Variants in DLG2 observed in about 807,000 individuals in gnomAD.
The protein encoded by DLG2 is discs large MAGUK scaffold protein 2.
A neutral mutation model predicts 132.5 loss-of-function variants in DLG2; 45 were observed. That is an observed-to-expected ratio of 0.34 (90% confidence interval 0.27 to 0.44). The LOEUF (loss-of-function observed/expected upper bound fraction) is 0.44. Among genes scored for constraint, DLG2 ranks in the 20% least tolerant of loss-of-function variants. The pLI, the probability that DLG2 is intolerant of heterozygous loss-of-function variation, is 1.00. For synonymous variants in DLG2, 424 were observed against 419.6 expected (o/e 1.01, Z -0.13); for missense variants, 1,045 against 1,196.9 (o/e 0.87, Z 1.87).
chr11:84,186,366 T>C (rs1355674452), intron 8 of DLG2, among the ~76,000 whole-genome samples: 1 of 152,038 alleles, frequency 6.6e-6, no homozygotes, highest in Non-Finnish European at 1.5e-5. Flanking sequence ...TAAAAATGAA[T>C]GCAAATATAA....
intron 6 of DLG2, among the ~76,000 whole-genome samples, chr11:84,993,597 G>A (rs1355674148): frequency 1.3e-5 from 2 of 152,106 alleles, no homozygotes; most frequent in East Asian, 3.9e-4. Flanking sequence ...TTACTGCCTC[G>A]CCACTGCCTC....
In DLG2 at chr11:84,386,402, A is replaced by G. The variant is rs535198886; in HGVS notation, c.520-135111T>C. 5.9e-5 allele frequency among the ~76,000 whole-genome samples: 9 copies of G among 152,080 alleles called. No homozygotes were observed. The East Asian group carries it at 1.5e-3, about 26-fold the overall frequency. ...TAACTCTGTAACTAATTTCTTAAAA[A>G]TCTCTCTCTTATTTCAATATTTGAC... On this transcript the variant is annotated intron_variant, in intron 7 of 27. Coordinates refer to ENST00000376104, the MANE Select transcript of DLG2 (RefSeq NM_001142699.3).
chr11:83,980,455 A>T (rs1479286124), intron 12 of DLG2, 51 bp downstream of exon 12: 1 of 1,570,578 alleles, frequency 6.4e-7, no homozygotes, highest in African/African-American at 1.4e-5. Context: ...CATACACTGG[A>T]AAACAAGAGC....
At chr11:83,553,245 A>AT in intron 19 of DLG2, among the ~76,000 whole-genome samples, 1 of 152,216 alleles carries the variant, frequency 6.6e-6, no homozygotes, top group South Asian at 2.1e-4. Flanking sequence ...CAACTCTAAG[A>AT]TTTTTTAAAA....
At chr11:84,059,708 A>C (rs1476112262) in intron 10 of DLG2, among the ~76,000 whole-genome samples, 2 of 152,174 alleles carry the variant, frequency 1.3e-5, no homozygotes, top group African/African-American at 2.4e-5. Flanking sequence ...ACTACTGGTC[A>C]GTTCCCATCC....
At chr11:85,195,672 C>G (rs1296997994) in intron 4 of DLG2, among the ~76,000 whole-genome samples, 16 of 151,858 alleles carry the variant, frequency 1.1e-4, no homozygotes, top group Non-Finnish European at 1.8e-4. Flanking sequence ...TACAGGCGCC[C>G]ACCATCACGC....
chr11:83,748,185 C>T (rs1039616973), intron 18 of DLG2, among the ~76,000 whole-genome samples: 1 of 152,164 alleles, frequency 6.6e-6, no homozygotes, highest in Non-Finnish European at 1.5e-5. Context: ...TACATATTCA[C>T]GAGGGCTCTG....
At chr11:84,802,323 A>G (rs2075492191) in intron 6 of DLG2, among the ~76,000 whole-genome samples, 1 of 152,122 alleles carries the variant, frequency 6.6e-6, no homozygotes, top group Non-Finnish European at 1.5e-5. Context: ...GAGGTATGAT[A>G]GGTTAGGGGA....
At chr11:84,877,315 A>C (rs2086517254) in intron 6 of DLG2, among the ~76,000 whole-genome samples, 2 of 151,834 alleles carry the variant, frequency 1.3e-5, no homozygotes, top group Non-Finnish European at 2.9e-5. Flanking sequence ...ATTGTGTGGG[A>C]GTGTAAGCCT....
chr11:85,517,129 A>G (rs1457317802), intron 3 of DLG2, among the ~76,000 whole-genome samples: 1 of 152,188 alleles, frequency 6.6e-6, no homozygotes, highest in Non-Finnish European at 1.5e-5. Flanking sequence ...ATATATGCAA[A>G]TCAATAAATG....
At chr11:85,496,318 T>G (rs537051613) in intron 3 of DLG2, among the ~76,000 whole-genome samples, 2 of 152,264 alleles carry the variant, frequency 1.3e-5, no homozygotes, top group East Asian at 3.9e-4. Context: ...AGTCTGAGAT[T>G]GACCTGGGAC....
intron 4 of DLG2, among the ~76,000 whole-genome samples, chr11:85,157,878 C>T (rs1276560713): frequency 6.6e-6 from 1 of 152,082 alleles, no homozygotes; most frequent in African/African-American, 2.4e-5. Context: ...AGAAACAGCT[C>T]CCCCATTCCC....
chr11:84,333,964 G>A (rs1189265041), intron 7 of DLG2, among the ~76,000 whole-genome samples: 1 of 152,176 alleles, frequency 6.6e-6, no homozygotes, highest in Non-Finnish European at 1.5e-5. Context: ...AGAGGTGGTA[G>A]GCCAGAGGGT....
chr11:84,204,322 A>G (rs2096637500), intron 8 of DLG2, among the ~76,000 whole-genome samples: 1 of 152,240 alleles, frequency 6.6e-6, no homozygotes, highest in South Asian at 2.1e-4. Context: ...GAGTAACACA[A>G]AAAATAGAAA....
At chr11:85,270,726 CT>C (rs1332954050) in intron 4 of DLG2, among the ~76,000 whole-genome samples, 1 of 152,146 alleles carries the variant, frequency 6.6e-6, no homozygotes, top group Non-Finnish European at 1.5e-5. Flanking sequence ...GTGAAGGTGA[CT>C]CTTGTTATGG....
chr11:83,481,037 G>T (rs143514304), intron 22 of DLG2, among the ~76,000 whole-genome samples: 8 of 152,058 alleles, frequency 5.3e-5, no homozygotes, highest in Non-Finnish European at 1.0e-4. Flanking sequence ...AATATTTTAC[G>T]AATCAGCTCA....
At chr11:83,474,309 C>A (rs2092398717) in intron 22 of DLG2, among the ~76,000 whole-genome samples, 1 of 152,054 alleles carries the variant, frequency 6.6e-6, no homozygotes, top group Admixed American at 6.6e-5. Flanking sequence ...GATTACTAAC[C>A]CCCAGTTATC....
chr11:84,490,150 G>C (rs1277769170), intron 7 of DLG2, among the ~76,000 whole-genome samples: 1 of 152,210 alleles, frequency 6.6e-6, no homozygotes, highest in Non-Finnish European at 1.5e-5. Flanking sequence ...GCTGGGAAAG[G>C]AAAGTTCCTT....
intron 3 of DLG2, among the ~76,000 whole-genome samples, chr11:85,383,382 T>C (rs529019442): frequency 6.6e-6 from 1 of 152,278 alleles, no homozygotes; most frequent in African/African-American, 2.4e-5. Context: ...TCTGGAATTA[T>C]ATAGCTATAA....
Sources: allele counts gnomAD v4.1 joint callset (sites outside exome capture counted in the v4.1 genomes callset), GRCh38; gene constraint gnomAD v4.1.1; transcripts MANE v1.5; gene names NCBI Gene and HGNC (gene_info 2026-07-23, HGNC 2026-07-21).